The following GPLD1 variants were observed in gnomAD, a reference collection of about 807,000 sequenced individuals.
The protein encoded by GPLD1 is phosphatidylinositol-glycan-specific phospholipase D.
A neutral mutation model predicts 112.6 loss-of-function variants in GPLD1; 84 were observed. That is an observed-to-expected ratio of 0.75 (90% CI 0.63 to 0.89). The LOEUF (loss-of-function observed/expected upper bound fraction) is 0.89, where lower values mean the gene tolerates loss of function less well. Ranked by LOEUF, GPLD1 falls within the 40% of genes least tolerant of loss-of-function variation. GPLD1 has a pLI of 0.00. For missense variants in GPLD1, 1,044 were observed against 1,051.5 expected (o/e 0.99, Z 0.10); for synonymous variants, 386 against 403.8 (o/e 0.96, Z 0.53).
chr6:24,450,240 G>A (rs6933028), intron 14 of GPLD1, among the ~76,000 whole-genome samples: 9,027 of 152,208 alleles, frequency 0.059, 769 homozygotes, highest in African/African-American at 0.19. Context: ...GGCCGGGCAC[G>A]GTGGCTCACA....
rs142871608 is a variant in GPLD1 at position 24,461,399 on chromosome 6, TTC to T, written c.888-1002_888-1001del. On this transcript the variant is annotated intron_variant, in intron 11 of 24. Coordinates refer to ENST00000230036, the MANE Select transcript of GPLD1 (RefSeq NM_001503.4). ...AACAATGACGACTTCACTGAACACT[TTC>T]TGTGTAATTTTCATTCTTCCAAAGT... Among the ~76,000 whole-genome samples, 327 of 152,346 alleles carry T rather than the reference TTC, an allele frequency of 2.1e-3. 10 individuals carry two copies. The East Asian group carries it at 0.05, about 23-fold the overall frequency.
rs1038342555 is a variant in GPLD1 at position 24,472,779 on chromosome 6, C to T, written c.491-143G>A. The T allele has an allele frequency of 8.6e-6, 5 of 580,090 alleles. No individual in the cohort carries two copies. The Admixed American group carries it at 9.0e-5, about 10-fold the overall frequency. 35.9% of individuals were successfully genotyped at this position (580,090 alleles called of 1,614,324 possible). Reference sequence around the variant, plus strand: ...GTTCATTGTTTTAGGTAAAGGCATGCCTTTTTTTTTTTTTAGACGGAGTTT... The same window carrying T: ...GTTCATTGTTTTAGGTAAAGGCATGTCTTTTTTTTTTTTTAGACGGAGTTT... On this transcript the variant is annotated intron_variant, in intron 6 of 24. Coordinates refer to ENST00000230036, the MANE Select transcript of GPLD1 (RefSeq NM_001503.4).
chr6:24,482,220 C>A (rs1206641309), intron 2 of GPLD1, among the ~76,000 whole-genome samples: 1 of 151,494 alleles, frequency 6.6e-6, no homozygotes, highest in Non-Finnish European at 1.5e-5. Context: ...CCTGCCTCGG[C>A]CTTCTGAGTA....
Position 24,489,393 on chromosome 6 carries a change from A to T in GPLD1, c.97+22T>A. 6.0e-6 allele frequency: 9 copies of T among 1,499,724 alleles called. No homozygotes were observed. The African/African-American group carries it at 8.2e-5, about 14-fold the overall frequency. 92.9% of individuals were successfully genotyped at this position (1,499,724 alleles called of 1,614,324 possible). A position where few individuals can be genotyped will look rare whatever the true frequency, so the allele number is the denominator to read the frequency against. The stretch of plus-strand genomic sequence containing the variant: ...ACAGATGTATTGTCCTCTCAACAAC[A>T]TAACAAGACACCAGTACTTACCTAT... On this transcript the variant is annotated intron_variant, in intron 1 of 24. Coordinates refer to ENST00000230036, the MANE Select transcript of GPLD1 (RefSeq NM_001503.4).
intron 13 of GPLD1, among the ~76,000 whole-genome samples, chr6:24,455,166 T>C (rs913674530): frequency 7.9e-5 from 12 of 152,218 alleles, no homozygotes; most frequent in Non-Finnish European, 1.5e-4. Context: ...GACACTCCAG[T>C]GGACCCATTG....
At chr6:24,467,835 G>A (rs1358426526) in intron 7 of GPLD1, among the ~76,000 whole-genome samples, 1 of 151,912 alleles carries the variant, frequency 6.6e-6, no homozygotes, top group African/African-American at 2.4e-5. Context: ...GTCAAGCTGG[G>A]AACCGTGTAG....
intron 7 of GPLD1, among the ~76,000 whole-genome samples, chr6:24,470,620 C>T (rs946227496): frequency 3.3e-5 from 5 of 151,582 alleles, no homozygotes; most frequent in African/African-American, 9.7e-5. Flanking sequence ...TTTTTTGAGA[C>T]GGAGTTTTGC....
chr6:24,471,961 A>G (rs934516643), intron 7 of GPLD1, among the ~76,000 whole-genome samples: 2 of 151,948 alleles, frequency 1.3e-5, no homozygotes, highest in African/African-American at 4.9e-5. Flanking sequence ...CTACATGAAT[A>G]TTAACAAATC....
intron 12 of GPLD1, among the ~76,000 whole-genome samples, chr6:24,457,058 T>C (rs1188554059): frequency 6.6e-6 from 1 of 152,158 alleles, no homozygotes; most frequent in Non-Finnish European, 1.5e-5. Context: ...TTAGTAGAGA[T>C]GGGGTCTCAC....
At chr6:24,466,536 C>T in intron 10 of GPLD1, 144 bp downstream of exon 10, 1 of 628,702 alleles carries the variant, frequency 1.6e-6, no homozygotes, top group Non-Finnish European at 2.7e-6. Flanking sequence ...CCATTCTTTC[C>T]CTCTTTGAAT....
At chr6:24,445,176 C>CA (rs1762870970) in intron 20 of GPLD1, among the ~76,000 whole-genome samples, 1 of 151,896 alleles carries the variant, frequency 6.6e-6, no homozygotes. Flanking sequence ...TACAGGTATG[C>CA]ACCACCACAC....
At chr6:24,454,436 T>C (rs1236147909) in intron 13 of GPLD1, among the ~76,000 whole-genome samples, 2 of 152,138 alleles carry the variant, frequency 1.3e-5, no homozygotes, top group Non-Finnish European at 2.9e-5. Flanking sequence ...TAAGCATTTC[T>C]GGACTACATA....
At chr6:24,452,094 T>C (rs1470763897) in intron 14 of GPLD1, among the ~76,000 whole-genome samples, 2 of 152,210 alleles carry the variant, frequency 1.3e-5, no homozygotes, top group Non-Finnish European at 2.9e-5. Context: ...TCCATGCCTT[T>C]ATCTTGCCAT....
In GPLD1 at chr6:24,427,021, GTC is replaced by G. The variant is rs200099521; in HGVS notation, c.*2009_*2010del. On this transcript the variant is annotated 3_prime_UTR_variant, in exon 25 of 25. Coordinates refer to ENST00000230036, the MANE Select transcript of GPLD1 (RefSeq NM_001503.4). ...TCCTCTTCCTGTCCCCTTTTCACCA[GTC>G]TCTACTCTTGAGAGAAGCTGAGAAG... Among the ~76,000 whole-genome samples, 331 of 152,194 alleles carry G rather than the reference GTC, an allele frequency of 2.2e-3. No homozygotes were observed. Among genetic ancestry groups the G allele is most frequent in the African/African-American group, 7.4e-3 (307 of 41,504 alleles).
At position 24,428,953 on chromosome 6, in the gene GPLD1, C is replaced by T. The variant is rs1062525; in HGVS notation, c.*79G>A. 1 of 967,680 alleles carries T rather than the reference C, an allele frequency of 1.0e-6. No individual in the cohort carries two copies. Among genetic ancestry groups the T allele is most frequent in the Non-Finnish European group, 1.6e-6 (1 of 628,044 alleles). 59.9% of individuals were successfully genotyped at this position (967,680 alleles called of 1,614,324 possible). Reference sequence around the variant, plus strand: ...TACCACCGCTCCACTGGATGTGCCACTTTGTCCATCAAAATGCTCACCATG... The same window carrying T: ...TACCACCGCTCCACTGGATGTGCCATTTTGTCCATCAAAATGCTCACCATG... On this transcript the variant is annotated 3_prime_UTR_variant, in exon 25 of 25. Transcript: ENST00000230036.
Position 24,466,927 on chromosome 6 carries a change from C to A in GPLD1, c.666G>T (p.Met222Ile). 6.2e-7 allele frequency: 1 copy of A among 1,610,992 alleles called. No homozygotes were observed. The highest frequency in any genetic ancestry group is 8.5e-7 in the Non-Finnish European group (1 of 1,177,174). The stretch of plus-strand genomic sequence containing the variant: ...ACGCCTTTACCTTGGAAACAGCTAG[C>A]ATCTCACCATACCTGCAAAATAAAC... Reference protein sequence around the residue: ...HIQFLEMYGEMLAVSKLYPTY... With the variant: ...HIQFLEMYGEILAVSKLYPTY... Residue 222 changes from methionine to isoleucine, a missense_variant, in exon 9 of 25, where the codon ATG becomes ATT. Transcript: ENST00000230036.
intron 14 of GPLD1, among the ~76,000 whole-genome samples, chr6:24,452,585 T>C (rs190274679): frequency 7.6e-4 from 115 of 152,152 alleles, no homozygotes; most frequent in African/African-American, 2.6e-3. Context: ...AGACCAGCCT[T>C]ACCAATATGG....
chr6:24,448,064 C>T (rs772182856), intron 16 of GPLD1, 31 bp from the exon 17 acceptor site: 1 of 1,613,312 alleles, frequency 6.2e-7, no homozygotes, highest in Non-Finnish European at 8.5e-7. Flanking sequence ...GCACATTTTA[C>T]CCAGCCCTGG....
chr6:24,432,615 AAG>A (rs147612789), intron 24 of GPLD1, among the ~76,000 whole-genome samples: 1,805 of 152,280 alleles, frequency 0.012, 22 homozygotes, highest in African/African-American at 0.04. Flanking sequence ...ATAATAAAGA[AAG>A]AAAAAACTCT....
Sources: allele counts gnomAD v4.1 joint callset (sites outside exome capture counted in the v4.1 genomes callset), GRCh38; gene constraint gnomAD v4.1.1; transcripts MANE v1.5; gene names NCBI Gene and HGNC (gene_info 2026-07-23, HGNC 2026-07-21).